RALGAPA1: variants seen among roughly 807,000 people sequenced by gnomAD.
RALGAPA1 encodes the protein Ral GTPase activating protein catalytic subunit alpha 1.
RALGAPA1 carries 52 observed loss-of-function variants against 269.6 expected under a neutral mutation model. The observed-to-expected ratio is 0.19, with a 90% CI of 0.15 to 0.24. The LOEUF (loss-of-function observed/expected upper bound fraction) is 0.24. RALGAPA1 is among the 10% of genes least tolerant of loss of function. RALGAPA1 has a pLI of 1.00. For synonymous variants in RALGAPA1, 817 were observed against 1,008.3 expected (o/e 0.81, Z 3.60); for missense variants, 1,917 against 3,013.9 (o/e 0.64, Z 8.52).
At chr14:35,700,092 A>T in intron 17 of RALGAPA1, 70 bp downstream of exon 17, 1 of 1,375,650 alleles carries the variant, frequency 7.3e-7, no homozygotes, top group Non-Finnish European at 9.6e-7. Flanking sequence ...TTATTTGATT[A>T]AGCAAAATTT....
intron 1 of RALGAPA1, among the ~76,000 whole-genome samples, chr14:35,787,480 G>C (rs1483710327): frequency 1.3e-5 from 2 of 152,126 alleles, no homozygotes; most frequent in East Asian, 3.8e-4. Flanking sequence ...TTTTAGGTTT[G>C]GGTGGAGAAG....
intron 35 of RALGAPA1, among the ~76,000 whole-genome samples, chr14:35,621,166 A>G (rs558446025): frequency 1.7e-4 from 26 of 152,312 alleles, no homozygotes; most frequent in Admixed American, 1.3e-4. Context: ...AAACAGATAT[A>G]TAGACCAACA....
At chr14:35,592,205 A>G (rs1439461113) in intron 37 of RALGAPA1, among the ~76,000 whole-genome samples, 1 of 150,896 alleles carries the variant, frequency 6.6e-6, no homozygotes, top group East Asian at 1.9e-4. Flanking sequence ...CACTTCAGAA[A>G]TAAGAAGGAT....
intron 10 of RALGAPA1, among the ~76,000 whole-genome samples, chr14:35,744,645 T>G (rs1420173820): frequency 3.3e-5 from 5 of 152,218 alleles, no homozygotes; most frequent in African/African-American, 1.2e-4. Flanking sequence ...ACCTTTTATT[T>G]GCTATTATTA....
At chr14:35,759,847 G>A (rs775221801) in intron 6 of RALGAPA1, among the ~76,000 whole-genome samples, 5 of 151,140 alleles carry the variant, frequency 3.3e-5, no homozygotes, top group Non-Finnish European at 7.4e-5. Flanking sequence ...AGGAGGCAGA[G>A]GTTGCAGTGA....
At chr14:35,657,562 A>T (rs911761795) in intron 28 of RALGAPA1, among the ~76,000 whole-genome samples, 13 of 151,786 alleles carry the variant, frequency 8.6e-5, no homozygotes, top group Non-Finnish European at 1.9e-4. Context: ...CTTATATTCA[A>T]CTTCTGGGGT....
intron 31 of RALGAPA1, among the ~76,000 whole-genome samples, chr14:35,639,795 C>T (rs965368646): frequency 2.6e-5 from 4 of 151,848 alleles, no homozygotes; most frequent in East Asian, 1.9e-4. Context: ...AAAAATTAGT[C>T]GGGCGTGGTG....
At chr14:35,767,846 T>G (rs1410572239) in intron 4 of RALGAPA1, among the ~76,000 whole-genome samples, 1 of 152,176 alleles carries the variant, frequency 6.6e-6, no homozygotes, top group Non-Finnish European at 1.5e-5. Context: ...TGATCTTGGC[T>G]TGCTGCAGTC....
intron 33 of RALGAPA1, among the ~76,000 whole-genome samples, chr14:35,631,180 G>C (rs1366335928): frequency 6.6e-6 from 1 of 152,146 alleles, no homozygotes; most frequent in African/African-American, 2.4e-5. Context: ...TTGCACATGA[G>C]GACAAATGGG....
chr14:35,647,355 T>C (rs949922707), intron 31 of RALGAPA1, among the ~76,000 whole-genome samples: 1 of 152,178 alleles, frequency 6.6e-6, no homozygotes, highest in African/African-American at 2.4e-5. Flanking sequence ...CTGGCCCATA[T>C]ACAGTTTATT....
At chr14:35,569,277 A>G (rs1277802673) in intron 39 of RALGAPA1, among the ~76,000 whole-genome samples, 2 of 152,220 alleles carry the variant, frequency 1.3e-5, no homozygotes, top group Non-Finnish European at 2.9e-5. Context: ...CTTATCATTT[A>G]CAGTTTATTA....
intron 28 of RALGAPA1, among the ~76,000 whole-genome samples, chr14:35,657,695 T>A (rs1447472387): frequency 4.1e-5 from 6 of 147,404 alleles, no homozygotes; most frequent in Non-Finnish European, 7.4e-5. Flanking sequence ...ATATATTTTT[T>A]TTTTTTTTTG....
At chr14:35,801,175 AAGAC>A (rs1004580492) in intron 1 of RALGAPA1, among the ~76,000 whole-genome samples, 1 of 151,942 alleles carries the variant, frequency 6.6e-6, no homozygotes, top group African/African-American at 2.4e-5. Context: ...CAGGAAAAGA[AAGAC>A]AAATTATCAG....
rs947701198 is a variant in RALGAPA1, at chr14:35,549,175, G to A, written c.7556C>T (p.Thr2519Ile). 4.3e-6 allele frequency: 7 copies of A among 1,612,350 alleles called. No individual in the cohort carries two copies. The African/African-American group carries it at 9.4e-5, about 22-fold the overall frequency. ...AACCTGTGCTGCAAAATCTTCAAATGTTGTTGGTTCTAAGTGGTGCTGGAC... is the reference window on the plus strand; with the variant it reads ...AACCTGTGCTGCAAAATCTTCAAATATTGTTGGTTCTAAGTGGTGCTGGAC... The part of the protein sequence containing the change: ...TIVQHHLEPT[T>I]FEDFAAQVFS... The change falls in exon 40 of 42, where the codon ACA (threonine) becomes ATA (isoleucine). Residue 2519 changes from threonine (T) to isoleucine (I), a missense_variant. Thr to Ile is a moderately conservative substitution (Grantham distance 89). Coordinates refer to ENST00000680220, the MANE Select transcript of RALGAPA1 (RefSeq NM_001346249.2).
chr14:35,710,325 G>A (rs1208636165), intron 16 of RALGAPA1, among the ~76,000 whole-genome samples: 3 of 152,024 alleles, frequency 2.0e-5, no homozygotes, highest in Admixed American at 2.0e-4. Flanking sequence ...GCAGTGGCAC[G>A]ATCTCAGCTC....
intron 35 of RALGAPA1, among the ~76,000 whole-genome samples, chr14:35,615,553 G>A (rs73248905): frequency 0.041 from 6,281 of 152,104 alleles, 363 homozygotes; most frequent in South Asian, 0.15. Flanking sequence ...TCATTGTATT[G>A]AAAAAACTAT....
At chr14:35,783,699 T>C (rs576427279) in intron 1 of RALGAPA1, among the ~76,000 whole-genome samples, 2 of 152,294 alleles carry the variant, frequency 1.3e-5, no homozygotes, top group African/African-American at 4.8e-5. Flanking sequence ...CTCCAGAATA[T>C]AGAAAGAATT....
chr14:35,721,621 T>C (rs565381021), intron 16 of RALGAPA1, 67 bp downstream of exon 16: 216 of 1,363,278 alleles, frequency 1.6e-4, no homozygotes, highest in African/African-American at 2.9e-4. Flanking sequence ...TATATTGATA[T>C]AAATTGTTAC....
chr14:35,718,990 C>T lies in RALGAPA1; in HGVS notation c.2266+2698G>A, dbSNP rs556878579. 8.2e-4 allele frequency among the ~76,000 whole-genome samples: 124 copies of T among 152,028 alleles called. 1 individual carries two copies. The highest frequency in any genetic ancestry group is 2.9e-3 in the African/African-American group (121 of 41,480). On this transcript the variant is annotated intron_variant, in intron 16 of 41. Coordinates refer to ENST00000680220, the MANE Select transcript of RALGAPA1 (RefSeq NM_001346249.2). Reference sequence around the variant, plus strand: ...AAGTAGCTGGCACTACGGGCATGCGCCACCACACCCAGCTAATTTTTTTGT... The same window carrying T: ...AAGTAGCTGGCACTACGGGCATGCGTCACCACACCCAGCTAATTTTTTTGT...
Sources: allele counts gnomAD v4.1 joint callset (sites outside exome capture counted in the v4.1 genomes callset), GRCh38; gene constraint gnomAD v4.1.1; transcripts MANE v1.5; gene names NCBI Gene and HGNC (gene_info 2026-07-23, HGNC 2026-07-21).